The following DRP2 variants were observed in gnomAD, a reference collection of about 807,000 sequenced individuals.
DRP2 encodes dystrophin-related protein 2.
In DRP2, 29 loss-of-function variants were observed where a neutral mutation model predicts 78.2. The observed-to-expected ratio is 0.37, with a 90% confidence interval of 0.28 to 0.51. DRP2 has a LOEUF of 0.51. DRP2 is among the 20% of genes least tolerant of loss of function. DRP2 has a pLI of 0.94. For missense variants in DRP2, 686 were observed against 770.6 expected (o/e 0.89, Z 1.30); for synonymous variants, 290 against 281.9 (o/e 1.03, Z -0.29).
Position 101,250,419 on chromosome X carries a change from G to T in DRP2, c.1541-4G>T, listed in dbSNP as rs1175117962. ...TTGGCCATTCTTGACGGTGGGGCCA[G>T]CAGACCTCTTCAGCCAAGTGGCCAA... On this transcript the variant is annotated splice_polypyrimidine_tract_variant and splice_region_variant and intron_variant, in intron 14 of 23. Coordinates refer to ENST00000395209, the MANE Select transcript of DRP2 (RefSeq NM_001939.3). 1 of 1,211,723 alleles carries T rather than the reference G, an allele frequency of 8.3e-7. No homozygotes were observed. The highest frequency in any genetic ancestry group is 3.0e-5 in the East Asian group (1 of 33,840).
intron 15 of DRP2, 91 bp downstream of exon 15, chrX:101,250,671 C>T (rs1923103330): frequency 1.9e-6 from 2 of 1,078,262 alleles, no homozygotes; most frequent in South Asian, 2.3e-5. Flanking sequence ...GGCTTTTGAT[C>T]TGAAGTACGC....
intron 9 of DRP2, 31 bp from the exon 10 acceptor site, chrX:101,244,986 C>G (rs1290951668): frequency 3.4e-6 from 4 of 1,190,333 alleles, no homozygotes; most frequent in Non-Finnish European, 4.5e-6. Context: ...TAGTGGCCAG[C>G]TTTTTTTCTC....
chrX:101,236,883 AG>A lies in DRP2; in HGVS notation c.282-728del, dbSNP rs200752560. 9.9e-4 allele frequency among the ~76,000 whole-genome samples: 109 copies of A among 110,082 alleles called. 2 individuals are homozygous for A. The highest frequency in any genetic ancestry group is 8.3e-3 in the Admixed American group (86 of 10,316). On this transcript the variant is annotated intron_variant, in intron 4 of 23. Coordinates refer to ENST00000395209, the MANE Select transcript of DRP2 (RefSeq NM_001939.3). ...AAAGATCTTGGCCTAGGTGGTGGTG[AG>A]GGGGGGGCAATGAATAAAGATAGTT... is the stretch of plus-strand genomic sequence containing the variant.
chrX:101,226,256 T>C lies in DRP2; in HGVS notation c.-64+1550T>C, dbSNP rs1266305029. Among the ~76,000 whole-genome samples the C allele has an allele frequency of 2.7e-5, 3 of 112,026 alleles. No homozygotes were observed. In the East Asian group the frequency reaches 8.3e-4, roughly 31 times the overall value. ...AATTAGTCCCCTAGTGATAGACGTTTAAGTTTTTGCAATTTTTTTTGCCAT... is the reference window on the plus strand; with the variant it reads ...AATTAGTCCCCTAGTGATAGACGTTCAAGTTTTTGCAATTTTTTTTGCCAT... On this transcript the variant is annotated intron_variant, in intron 2 of 23. Coordinates refer to ENST00000395209, the MANE Select transcript of DRP2 (RefSeq NM_001939.3).
Position 101,224,182 on chromosome X carries a change from G to GT in DRP2, c.-166-414dup, listed in dbSNP as rs1214156680. Among the ~76,000 whole-genome samples, 69 of 44,198 alleles carry GT rather than the reference G, an allele frequency of 1.6e-3. 1 individual carries two copies. Among genetic ancestry groups the GT allele is most frequent in the Non-Finnish European group, 1.8e-3 (43 of 24,551 alleles). 38.4% of individuals were successfully genotyped at this position (44,198 alleles called of 115,157 possible). ...CCCAAGAATAATAAATGTTTGCTGGGTTTTTTTTGTTTTTTTTTTTTTTTT... is the reference window on the plus strand; with the variant it reads ...CCCAAGAATAATAAATGTTTGCTGGGTTTTTTTTTGTTTTTTTTTTTTTTTT... On this transcript the variant is annotated intron_variant, in intron 1 of 23. Transcript: ENST00000395209.
rs1923096518 is a variant in DRP2 at position 101,250,559 on chromosome X, T to C, written c.1677T>C (p.Ser559=). 1 of 1,195,513 alleles carries C rather than the reference T, an allele frequency of 8.4e-7. No homozygotes were observed. Among genetic ancestry groups the C allele is most frequent in the South Asian group, 1.8e-5 (1 of 54,117 alleles). ...AAFGGSNVEP[S]VRSCFRFSTG... ...TTGGGGGCAGCAATGTGGAGCCCAGTGTCCGTAGTTGCTTCCGTTTTGTGA... is the reference window on the plus strand; with the variant it reads ...TTGGGGGCAGCAATGTGGAGCCCAGCGTCCGTAGTTGCTTCCGTTTTGTGA... Residue 559 remains serine (S), a synonymous_variant, in exon 15 of 24, where the codon AGT becomes AGC. Coordinates refer to ENST00000395209, the MANE Select transcript of DRP2 (RefSeq NM_001939.3).
Position 101,260,850 on chromosome X carries a change from C to A in DRP2, c.*229C>A, listed in dbSNP as rs1923528339. The A allele has an allele frequency of 2.8e-6, 1 of 353,100 alleles. No individual in the cohort carries two copies. Among genetic ancestry groups the A allele is most frequent in the Admixed American group, 5.6e-5 (1 of 17,979 alleles). The allele number at this position is 353,100 out of a possible 1,213,427, so 29.1% of individuals were successfully genotyped here. A position where few individuals can be genotyped will look rare whatever the true frequency, so the allele number is the denominator to read the frequency against. On this transcript the variant is annotated 3_prime_UTR_variant, in exon 24 of 24. Transcript: ENST00000395209. ...TGACCCTAGAAATGTTCCCTTTAAT[C>A]TTCAAGTTCGAGATCAGCCCTTTAA... is the stretch of plus-strand genomic sequence containing the variant.
rs188712825 is a variant in DRP2, at chrX:101,224,890, C to T, written c.-64+184C>T. On this transcript the variant is annotated intron_variant, in intron 2 of 23. Coordinates refer to ENST00000395209, the MANE Select transcript of DRP2 (RefSeq NM_001939.3). ...AGACATAGTCTACTCACCAGTCCCC[C>T]GCTGGTGGACATTTGAGTGAATGCA... Among the ~76,000 whole-genome samples, 462 of 112,433 alleles carry T rather than the reference C, an allele frequency of 4.1e-3. 2 individuals are homozygous for T. The highest frequency in any genetic ancestry group is 0.014 in the African/African-American group (440 of 30,957).
At chrX:101,252,239 G>A (rs1717771636) in intron 16 of DRP2, among the ~76,000 whole-genome samples, 1 of 112,062 alleles carries the variant, frequency 8.9e-6, no homozygotes, top group South Asian at 3.8e-4. Context: ...TCCAGGGTAG[G>A]TGGTGGTCCC....
At chrX:101,240,768 T>C (rs867702008) in intron 6 of DRP2, among the ~76,000 whole-genome samples, 1 of 112,217 alleles carries the variant, frequency 8.9e-6, no homozygotes, top group Non-Finnish European at 1.9e-5. Flanking sequence ...CCCATCTCAG[T>C]TTATTTCTGG....
At chrX:101,232,354 C>G (rs1922337314) in intron 3 of DRP2, among the ~76,000 whole-genome samples, 2 of 111,226 alleles carry the variant, frequency 1.8e-5, no homozygotes, top group Admixed American at 1.9e-4. Flanking sequence ...GGGCAGCCCC[C>G]TTTCCCGACA....
At chrX:101,241,536 G>T in intron 6 of DRP2, 132 bp from the exon 7 acceptor site, 2 of 698,550 alleles carry the variant, frequency 2.9e-6, no homozygotes, top group East Asian at 6.5e-5. Context: ...GTGTGTGTAT[G>T]AATATATACA....
intron 13 of DRP2, 44 bp downstream of exon 13, chrX:101,248,334 G>A: frequency 8.5e-7 from 1 of 1,174,461 alleles, no homozygotes; most frequent in Non-Finnish European, 1.2e-6. Context: ...AAAATTCAAT[G>A]GGATATCTCA....
intron 2 of DRP2, among the ~76,000 whole-genome samples, chrX:101,229,832 A>G (rs1433698310): frequency 1.8e-5 from 2 of 112,068 alleles, no homozygotes; most frequent in East Asian, 2.8e-4. Flanking sequence ...TCTCTAAACC[A>G]TCAATTGGTT....
At position 101,226,021 on chromosome X, in the gene DRP2, C is replaced by T. The variant is rs182304674; in HGVS notation, c.-64+1315C>T. ...TTCCCTTCTCCAATGGTAACAGGCTCTTTTGTATACTTCCAAAGATATTTT... is the reference window on the plus strand; with the variant it reads ...TTCCCTTCTCCAATGGTAACAGGCTTTTTTGTATACTTCCAAAGATATTTT... On this transcript the variant is annotated intron_variant, in intron 2 of 23. Transcript: ENST00000395209. Among the ~76,000 whole-genome samples the T allele has an allele frequency of 6.4e-3, 717 of 111,838 alleles. 6 individuals carry two copies. The highest frequency in any genetic ancestry group is 0.023 in the African/African-American group (696 of 30,854).
At chrX:101,243,485 CA>C (rs571913059) in intron 9 of DRP2, among the ~76,000 whole-genome samples, 7,480 of 100,346 alleles carry the variant, frequency 0.075, 252 homozygotes, top group Middle Eastern at 0.13. Flanking sequence ...TGTGCAGGCT[CA>C]AAAAAAAAAA....
rs930672043 is a variant in DRP2 at position 101,263,319 on chromosome X, G to A, written c.*2698G>A. 8.9e-6 allele frequency: 1 copy of A among 112,387 alleles called. No homozygotes were observed. 9.3% of individuals were successfully genotyped at this position (112,387 alleles called of 1,213,427 possible). ...TTCTAAGGATATTGTGCATGGCACT[G>A]TGTAGTTTATAGCCCTACACTGGAA... On this transcript the variant is annotated 3_prime_UTR_variant, in exon 24 of 24. Transcript: ENST00000395209.
At chrX:101,220,904 G>A (rs180891368) in intron 1 of DRP2, among the ~76,000 whole-genome samples, 1 of 111,854 alleles carries the variant, frequency 8.9e-6, no homozygotes, top group East Asian at 2.8e-4. Context: ...TTCAAATAGG[G>A]CTTGCTTCTC....
chrX:101,241,482 A>T lies in DRP2; in HGVS notation c.560-186A>T, dbSNP rs1922723900. On this transcript the variant is annotated intron_variant, in intron 6 of 23. Coordinates refer to ENST00000395209, the MANE Select transcript of DRP2 (RefSeq NM_001939.3). ...AATAAACAGTTTTTTTTTAAAAAAAACGTGACTGTATTAAAGGGCTCAACC... is the reference window on the plus strand; with the variant it reads ...AATAAACAGTTTTTTTTTAAAAAAATCGTGACTGTATTAAAGGGCTCAACC... 2.7e-5 allele frequency among the ~76,000 whole-genome samples: 3 copies of T among 111,571 alleles called. No homozygotes were observed. The Admixed American group carries it at 2.8e-4, about 11-fold the overall frequency.
Sources: gnomAD v4.1 joint callset for allele counts (sites outside exome capture counted in the v4.1 genomes callset) on GRCh38, gnomAD v4.1.1 for gene constraint, MANE v1.5 for transcripts, NCBI Gene and HGNC (gene_info 2026-07-23, HGNC 2026-07-21) for gene names.